Variants in ZNF670 observed in about 807,000 individuals in gnomAD.
ZNF670 encodes zinc finger protein 670.
A neutral mutation model predicts 10.9 loss-of-function variants in ZNF670; 7 were observed. That is an observed-to-expected ratio of 0.64 (90% CI 0.36 to 1.20). The LOEUF is 1.20. ZNF670 is among the 50% of genes most tolerant of loss of function. The pLI, the probability that ZNF670 is intolerant of heterozygous loss-of-function variation, is 0.02. For missense variants in ZNF670, 446 were observed against 458.6 expected (o/e 0.97, Z 0.25); for synonymous variants, 136 against 152.7 (o/e 0.89, Z 0.81).
intron 1 of ZNF670, among the ~76,000 whole-genome samples, chr1:247,053,375 G>A (rs1670640887): frequency 6.6e-6 from 1 of 152,198 alleles, no homozygotes; most frequent in South Asian, 2.1e-4. Flanking sequence ...GCTCACGCCT[G>A]TAATCCCAGT....
At position 247,038,812 on chromosome 1, in the gene ZNF670, T is replaced by G. The variant is rs200604105; in HGVS notation, c.189A>C (p.Leu63=). 1 of 1,612,456 alleles carries G rather than the reference T, an allele frequency of 6.2e-7. No homozygotes were observed. The highest frequency in any genetic ancestry group is 1.3e-5 in the African/African-American group (1 of 75,006). The part of the protein sequence containing the change: ...QDDFKNPGRN[L]SSHVVERLFE... ...TTGCTCTTGTGAATGCAAATTACCTTAGATTTCTCCCAGGATTTTTGAAGT... is the reference window on the plus strand; with the variant it reads ...TTGCTCTTGTGAATGCAAATTACCTGAGATTTCTCCCAGGATTTTTGAAGT... The change falls in exon 3 of 4, where the codon CTA becomes CTC. Residue 63 remains leucine (L), a splice_region_variant and synonymous_variant. Transcript: ENST00000366503.
intron 1 of ZNF670, chr1:247,042,949 T>G (rs78672229): frequency 1.4e-6 from 1 of 696,090 alleles, no homozygotes; most frequent in African/African-American, 1.7e-5. Context: ...AAGATGACAT[T>G]ACATTCGATA....
chr1:247,054,624 A>T (rs1670675261), intron 1 of ZNF670, among the ~76,000 whole-genome samples: 1 of 152,166 alleles, frequency 6.6e-6, no homozygotes, highest in East Asian at 1.9e-4. Flanking sequence ...CTAATTTAAG[A>T]TACAGTGGGC....
chr1:247,072,428 T>A (rs1215089100), intron 1 of ZNF670, among the ~76,000 whole-genome samples: 4 of 151,692 alleles, frequency 2.6e-5, no homozygotes, highest in African/African-American at 9.7e-5. Flanking sequence ...GTGCTGAGAT[T>A]ACAGTGGTGA....
intron 1 of ZNF670, among the ~76,000 whole-genome samples, chr1:247,074,837 C>T (rs769603481): frequency 1.3e-5 from 2 of 152,186 alleles, no homozygotes; most frequent in Non-Finnish European, 2.9e-5. Flanking sequence ...TGGATCCTAA[C>T]AGGCCACCGA....
At chr1:247,077,079 CCA>C (rs1671271744) in intron 1 of ZNF670, among the ~76,000 whole-genome samples, 1 of 152,222 alleles carries the variant, frequency 6.6e-6, no homozygotes, top group Non-Finnish European at 1.5e-5. Context: ...CCGAGAAAAT[CCA>C]GAGCGCAGGA....
chr1:247,043,208 C>T, intron 1 of ZNF670: 1 of 709,136 alleles, frequency 1.4e-6, no homozygotes, highest in Non-Finnish European at 2.6e-6. Context: ...GGGCCATACG[C>T]ATCACTAACA....
chr1:247,076,603 T>TTGC, intron 1 of ZNF670, among the ~76,000 whole-genome samples: 1 of 152,066 alleles, frequency 6.6e-6, no homozygotes, highest in Admixed American at 6.5e-5. Flanking sequence ...TTTAACATGC[T>TTGC]TGCAGCTCTT....
intron 1 of ZNF670, among the ~76,000 whole-genome samples, chr1:247,068,260 G>A (rs1671035572): frequency 7.8e-6 from 1 of 127,588 alleles, no homozygotes; most frequent in South Asian, 2.4e-4. Context: ...AGGTTGCAGT[G>A]AGCCAAGATC....
Position 247,036,581 on chromosome 1 carries a change from G to A in ZNF670, c.*868C>T, listed in dbSNP as rs1670155621. ...GGAGGCTAAGGTGGGAGAATCACTT[G>A]AGCCCAGGAATTTGAGGCTGCAGTG... is the stretch of plus-strand genomic sequence containing the variant. On this transcript the variant is annotated 3_prime_UTR_variant, in exon 4 of 4. Transcript: ENST00000366503. Among the ~76,000 whole-genome samples the A allele has an allele frequency of 6.6e-6, 1 of 152,128 alleles. No individual in the cohort carries two copies. The highest frequency in any genetic ancestry group is 6.5e-5 in the Admixed American group (1 of 15,270).
At chr1:247,047,854 A>C (rs1202309414) in intron 1 of ZNF670, among the ~76,000 whole-genome samples, 4 of 151,748 alleles carry the variant, frequency 2.6e-5, no homozygotes, top group African/African-American at 4.8e-5. Flanking sequence ...CCATGTCCCA[A>C]GACTACAAAA....
chr1:247,060,330 GC>G (rs764351369), intron 1 of ZNF670, among the ~76,000 whole-genome samples: 7 of 152,154 alleles, frequency 4.6e-5, no homozygotes, highest in Non-Finnish European at 7.4e-5. Flanking sequence ...AATATAATCA[GC>G]TGAACTTTCA....
chr1:247,071,939 G>A (rs1350667074), intron 1 of ZNF670, among the ~76,000 whole-genome samples: 4 of 147,024 alleles, frequency 2.7e-5, no homozygotes, highest in African/African-American at 1.0e-4. Flanking sequence ...CTCACTGCAA[G>A]CTCCGCCTCC....
At chr1:247,049,824 G>T (rs913764506) in intron 1 of ZNF670, among the ~76,000 whole-genome samples, 12 of 152,276 alleles carry the variant, frequency 7.9e-5, no homozygotes, top group Admixed American at 2.6e-4. Context: ...CCATGTATTT[G>T]CATGGTTTTG....
intron 1 of ZNF670, among the ~76,000 whole-genome samples, chr1:247,066,585 GC>G: frequency 6.6e-6 from 1 of 152,050 alleles, no homozygotes; most frequent in East Asian, 1.9e-4. Flanking sequence ...ACATTCTAAG[GC>G]CCCTCAGCCA....
chr1:247,043,813 C>T, intron 1 of ZNF670: 1 of 360,026 alleles, frequency 2.8e-6, no homozygotes, highest in Non-Finnish European at 5.4e-6. Flanking sequence ...ATTTACTGTT[C>T]CAACCATAAG....
intron 1 of ZNF670, among the ~76,000 whole-genome samples, chr1:247,051,782 A>ATTTTTTTTTTTTT (rs58493948): frequency 1.4e-5 from 2 of 138,216 alleles, no homozygotes; most frequent in Non-Finnish European, 3.2e-5. Context: ...TTCTTTTTTC[A>ATTTTTTTTTTTTT]TTTTTTTTTT....
intron 1 of ZNF670, among the ~76,000 whole-genome samples, chr1:247,066,836 AGTT>A (rs747396902): frequency 3.9e-5 from 6 of 152,154 alleles, no homozygotes; most frequent in Admixed American, 1.3e-4. Context: ...ATAAAACCTT[AGTT>A]TCCACAACCT....
rs1226327559 is a variant in ZNF670 at position 247,037,884 on chromosome 1, T to A, written c.735A>T (p.Arg245Ser). The A allele has an allele frequency of 6.2e-7, 1 of 1,614,036 alleles. No homozygotes were observed. The highest frequency in any genetic ancestry group is 1.7e-5 in the Admixed American group (1 of 60,014). ...TFSSSLRQHE[R>S]SHTGEKPYEC... ...CATAGGGTTTCTCTCCAGTATGAGATCTTTCATGTTGGCGAAGAGAACTGG... is the reference window on the plus strand; with the variant it reads ...CATAGGGTTTCTCTCCAGTATGAGAACTTTCATGTTGGCGAAGAGAACTGG... Residue 245 changes from arginine (R) to serine (S), a missense_variant, in exon 4 of 4, where the codon AGA becomes AGT. By Grantham distance (110) the Arg-to-Ser change is moderately radical. Transcript: ENST00000366503.
Sources: allele counts gnomAD v4.1 joint callset (sites outside exome capture counted in the v4.1 genomes callset), GRCh38; gene constraint gnomAD v4.1.1; transcripts MANE v1.5; gene names NCBI Gene and HGNC (gene_info 2026-07-23, HGNC 2026-07-21).